PVT1: variants seen among roughly 807,000 people sequenced by gnomAD.
The protein encoded by PVT1 is Pvt1 oncogene.
At chr8:128,046,113 C>A (rs1235141774) in intron 4 of PVT1, among the ~76,000 whole-genome samples, 1 of 152,200 alleles carries the variant, frequency 6.6e-6, no homozygotes, top group East Asian at 1.9e-4. Context: ...TTAGCTCGAA[C>A]CTTCTCACTC....
chr8:128,046,360 C>T (rs1329093852), intron 4 of PVT1, among the ~76,000 whole-genome samples: 6 of 152,158 alleles, frequency 3.9e-5, no homozygotes, highest in East Asian at 3.8e-4. Flanking sequence ...AAACTGTCCA[C>T]GGGGTCGGTC....
chr8:127,816,494 A>G (rs1814661275), intron 2 of PVT1, among the ~76,000 whole-genome samples: 1 of 151,562 alleles, frequency 6.6e-6, no homozygotes, highest in African/African-American at 2.4e-5. Flanking sequence ...GGATGAAAAA[A>G]AAAAAACCCA....
rs200955108 is a variant in PVT1 at position 128,051,364 on chromosome 8, C to T, written n.913-18796C>T. Among the ~76,000 whole-genome samples the T allele has an allele frequency of 6.8e-4, 103 of 152,146 alleles. No individual in the cohort carries two copies. The East Asian group carries it at 0.012, about 17-fold the overall frequency. ...AGGACTCTTCCCTTCAGATGGATGC[C>T]CATAATTTTATCTTTAACTTTTAAG... On this transcript the variant is annotated intron_variant and non_coding_transcript_variant, in intron 4 of 10. Transcript: ENST00000651587.
chr8:127,959,586 G>GAAA (rs34255005), intron 3 of PVT1, among the ~76,000 whole-genome samples: 2 of 76,488 alleles, frequency 2.6e-5, no homozygotes, highest in Non-Finnish European at 4.9e-5. Flanking sequence ...TCTGTCTCAG[G>GAAA]AAAAAAAAAA....
chr8:127,874,923 TGTGTGTGTGTGTGG>T (rs979448782), intron 2 of PVT1, among the ~76,000 whole-genome samples: 3 of 150,412 alleles, frequency 2.0e-5, no homozygotes, highest in Admixed American at 6.6e-5. Flanking sequence ...TGTGTGTGTG[TGTGTGTGTGTGTGG>T]GTGTGTGGCC....
At chr8:128,037,411 G>T (rs1439398799) in intron 4 of PVT1, among the ~76,000 whole-genome samples, 1 of 152,222 alleles carries the variant, frequency 6.6e-6, no homozygotes, top group African/African-American at 2.4e-5. Flanking sequence ...TATAGAGAAT[G>T]TTCTTTTCCC....
intron 3 of PVT1, among the ~76,000 whole-genome samples, chr8:127,910,771 G>A (rs1227305766): frequency 6.6e-6 from 1 of 152,188 alleles, no homozygotes; most frequent in Admixed American, 6.5e-5. Context: ...GGATCAGAGA[G>A]GCTAAGTATA....
chr8:128,016,972 G>T, intron 4 of PVT1, among the ~76,000 whole-genome samples: 1 of 152,160 alleles, frequency 6.6e-6, no homozygotes, highest in Non-Finnish European at 1.5e-5. Context: ...TATGGCTTGA[G>T]CCCAGGAGTT....
intron 2 of PVT1, among the ~76,000 whole-genome samples, chr8:127,860,608 CA>C (rs1011209734): frequency 8.6e-5 from 13 of 151,548 alleles, no homozygotes; most frequent in Admixed American, 3.9e-4. Flanking sequence ...ACTAAAAATA[CA>C]AAAAAATTAG....
At chr8:127,947,111 G>A (rs1816430432) in intron 3 of PVT1, 1 of 152,824 alleles carries the variant, frequency 6.5e-6, no homozygotes. Context: ...CCTGTCACAT[G>A]GCAGGTACTC....
intron 3 of PVT1, among the ~76,000 whole-genome samples, chr8:127,908,597 C>A (rs534614578): frequency 6.6e-6 from 1 of 152,278 alleles, no homozygotes; most frequent in African/African-American, 2.4e-5. Flanking sequence ...ACCTCAGCCT[C>A]CCAAAGTGTT....
intron 3 of PVT1, among the ~76,000 whole-genome samples, chr8:127,988,718 A>G (rs1489886194): frequency 1.3e-5 from 2 of 152,202 alleles, no homozygotes; most frequent in Admixed American, 6.5e-5. Context: ...GATCCCCACC[A>G]TGTATGAAAT....
chr8:127,919,978 T>G (rs910877166), intron 3 of PVT1, among the ~76,000 whole-genome samples: 1 of 152,146 alleles, frequency 6.6e-6, no homozygotes, highest in African/African-American at 2.4e-5. Context: ...TCCAAAACAC[T>G]TGGCCTGACA....
chr8:127,815,303 C>G (rs1814648718), intron 2 of PVT1, among the ~76,000 whole-genome samples: 1 of 152,180 alleles, frequency 6.6e-6, no homozygotes. Context: ...TCCGTTGTAG[C>G]CTGTGTCACA....
At chr8:127,851,701 G>A (rs1435847947) in intron 2 of PVT1, among the ~76,000 whole-genome samples, 1 of 152,116 alleles carries the variant, frequency 6.6e-6, no homozygotes, top group African/African-American at 2.4e-5. Flanking sequence ...TGCACCTGGG[G>A]TCCAGAGTCT....
chr8:128,092,001 G>A (rs926461143), intron 5 of PVT1, among the ~76,000 whole-genome samples: 1 of 152,174 alleles, frequency 6.6e-6, no homozygotes, highest in Non-Finnish European at 1.5e-5. Flanking sequence ...AAGCCTAACA[G>A]GTCAACAACC....
intron 4 of PVT1, among the ~76,000 whole-genome samples, chr8:127,996,829 C>T (rs981920459): frequency 1.3e-5 from 2 of 151,944 alleles, no homozygotes; most frequent in Non-Finnish European, 2.9e-5. Context: ...TCTGTGAAGC[C>T]GGAAAGGAGA....
intron 4 of PVT1, among the ~76,000 whole-genome samples, chr8:128,034,857 A>C (rs1300672344): frequency 6.6e-6 from 1 of 152,170 alleles, no homozygotes; most frequent in Non-Finnish European, 1.5e-5. Context: ...CAAGCAGGGG[A>C]CTTTGAGTAA....
At position 127,873,389 on chromosome 8, in the gene PVT1, C is replaced by A. The variant is rs1296480276; in HGVS notation, n.373-17200C>A. On this transcript the variant is annotated intron_variant and non_coding_transcript_variant, in intron 2 of 10. Transcript: ENST00000651587. ...TGAATAGGAAGGAGACCCCTTCTAA[C>A]TTCTGGAAGCACAAAAGTGTGTTTA... Among the ~76,000 whole-genome samples the A allele has an allele frequency of 2.0e-5, 3 of 152,198 alleles. No homozygotes were observed. The East Asian group carries it at 5.8e-4, about 29-fold the overall frequency.
Sources: gnomAD v4.1 joint callset for allele counts (sites outside exome capture counted in the v4.1 genomes callset) on GRCh38, gnomAD v4.1.1 for gene constraint, MANE v1.5 for transcripts, NCBI Gene and HGNC (gene_info 2026-07-23, HGNC 2026-07-21) for gene names.